KAZN: variants seen among roughly 807,000 people sequenced by gnomAD.
KAZN encodes kazrin, periplakin interacting protein.
Under a neutral mutation model 87.4 loss-of-function variants are expected in KAZN, and 40 were observed. That is an observed-to-expected ratio of 0.46 (90% CI 0.36 to 0.60). The LOEUF (loss-of-function observed/expected upper bound fraction) is 0.60. KAZN is among the 20% of genes least tolerant of loss of function. The pLI is 0.00. For synonymous variants in KAZN, 466 were observed against 458.3 expected (o/e 1.02, Z -0.22); for missense variants, 898 against 1,073.9 (o/e 0.84, Z 2.29).
chr1:14,010,052 T>C (rs923492539), intron 1 of KAZN, among the ~76,000 whole-genome samples: 7 of 152,198 alleles, frequency 4.6e-5, no homozygotes, highest in Admixed American at 2.0e-4. Flanking sequence ...ATCAACAATT[T>C]TGTTGTTGCC....
intron 1 of KAZN, among the ~76,000 whole-genome samples, chr1:14,656,688 G>C (rs1433465580): frequency 6.6e-6 from 1 of 152,218 alleles, no homozygotes; most frequent in Non-Finnish European, 1.5e-5. Context: ...GGAGAAGGAG[G>C]AAGAGAGCCA....
chr1:14,140,466 C>T (rs996341098), intron 1 of KAZN, among the ~76,000 whole-genome samples: 7 of 152,052 alleles, frequency 4.6e-5, no homozygotes, highest in African/African-American at 1.2e-4. Context: ...CCCCAGAAAA[C>T]GTTTGCATGA....
chr1:14,427,645 G>A (rs1025938811), intron 2 of KAZN, among the ~76,000 whole-genome samples: 2 of 151,724 alleles, frequency 1.3e-5, no homozygotes, highest in Non-Finnish European at 2.9e-5. Flanking sequence ...ACACATGTTA[G>A]TAAAAATACC....
intron 1 of KAZN, among the ~76,000 whole-genome samples, chr1:14,684,549 G>A (rs1255103913): frequency 6.6e-6 from 1 of 152,198 alleles, no homozygotes; most frequent in Non-Finnish European, 1.5e-5. Context: ...TGTGGACTGA[G>A]TCTTATGGGG....
At chr1:14,336,940 AT>A (rs1219579449) in intron 2 of KAZN, among the ~76,000 whole-genome samples, 1 of 152,082 alleles carries the variant, frequency 6.6e-6, no homozygotes, top group East Asian at 1.9e-4. Flanking sequence ...AAAGTTTTTA[AT>A]TTTTATGAAG....
At chr1:13,917,555 G>T (rs1050976515) in intron 1 of KAZN, among the ~76,000 whole-genome samples, 1 of 152,100 alleles carries the variant, frequency 6.6e-6, no homozygotes, top group East Asian at 1.9e-4. Context: ...CAGCATTTTG[G>T]GAGGCGGAGT....
chr1:14,417,414 T>C (rs1271980195), intron 2 of KAZN, among the ~76,000 whole-genome samples: 1 of 152,180 alleles, frequency 6.6e-6, no homozygotes, highest in Non-Finnish European at 1.5e-5. Flanking sequence ...ATACTTAATT[T>C]GACTTCACCT....
At chr1:14,921,153 AACACACACACACAC>A (rs55766387) in intron 1 of KAZN, among the ~76,000 whole-genome samples, 5 of 144,422 alleles carry the variant, frequency 3.5e-5, no homozygotes, top group South Asian at 4.6e-4. Flanking sequence ...CTGAGCATGC[AACACACACACACAC>A]ACACACACAC....
intron 2 of KAZN, among the ~76,000 whole-genome samples, chr1:14,556,975 T>C (rs1295197588): frequency 6.6e-6 from 1 of 152,186 alleles, no homozygotes; most frequent in African/African-American, 2.4e-5. Flanking sequence ...AAGAATTCAT[T>C]CTGTGCTCAA....
rs75387066 is a variant in KAZN at position 15,077,125 on chromosome 1, A to C, written c.1222+11372A>C. Among the ~76,000 whole-genome samples the C allele has an allele frequency of 1.1e-4, 17 of 152,290 alleles. No homozygotes were observed. In the East Asian group the frequency reaches 3.3e-3, roughly 30 times the overall value. On this transcript the variant is annotated intron_variant, in intron 8 of 14. Coordinates refer to ENST00000376030, the MANE Select transcript of KAZN (RefSeq NM_201628.3). The surrounding 1 kb of genome is among the most constrained non-coding windows in gnomAD (Gnocchi z 4.8). ...ATCTTCTAGAGAAGCCAAATATCTC[A>C]CATAATACACCCCAAGTCTTTCATA...
intron 1 of KAZN, among the ~76,000 whole-genome samples, chr1:14,078,628 G>A (rs531532683): frequency 5.3e-5 from 8 of 152,290 alleles, no homozygotes; most frequent in Middle Eastern, 3.4e-3. Flanking sequence ...TTCATAGACG[G>A]CGCCTTCTCA....
intron 1 of KAZN, among the ~76,000 whole-genome samples, chr1:14,033,257 G>T (rs1305635073): frequency 6.6e-6 from 1 of 152,146 alleles, no homozygotes; most frequent in African/African-American, 2.4e-5. Context: ...ACCAGGGTGG[G>T]CAAGGATAGC....
intron 1 of KAZN, among the ~76,000 whole-genome samples, chr1:14,134,443 G>C (rs1464993526): frequency 6.6e-6 from 1 of 152,174 alleles, no homozygotes; most frequent in Admixed American, 6.5e-5. Flanking sequence ...CTATGAGCCA[G>C]GTACTACTAC....
At chr1:14,052,100 A>G (rs1642364659) in intron 1 of KAZN, among the ~76,000 whole-genome samples, 1 of 152,066 alleles carries the variant, frequency 6.6e-6, no homozygotes, top group Admixed American at 6.5e-5. Flanking sequence ...TTGATTCAGG[A>G]CCCAAATCTC....
chr1:14,590,290 A>G (rs922953388), intron 2 of KAZN, among the ~76,000 whole-genome samples: 24 of 152,162 alleles, frequency 1.6e-4, no homozygotes, highest in African/African-American at 5.6e-4. Flanking sequence ...GCCTGGAATA[A>G]CAAATGCACC....
At chr1:14,838,469 C>A (rs553238948) in intron 1 of KAZN, among the ~76,000 whole-genome samples, 35 of 152,186 alleles carry the variant, frequency 2.3e-4, no homozygotes, top group African/African-American at 4.6e-4. Context: ...AAGAGCCCCC[C>A]ACCTGGTCAG....
At chr1:14,990,863 C>T (rs1443150092) in intron 2 of KAZN, among the ~76,000 whole-genome samples, 1 of 150,710 alleles carries the variant, frequency 6.6e-6, no homozygotes, top group African/African-American at 2.4e-5. Flanking sequence ...TGAAGTCGTA[C>T]TGGAATAGGG....
chr1:14,401,529 G>A lies in KAZN; in HGVS notation c.250-197454G>A, dbSNP rs538871858. Among the ~76,000 whole-genome samples, 42 of 152,082 alleles carry A rather than the reference G, an allele frequency of 2.8e-4. 1 individual carries two copies. Among genetic ancestry groups the A allele is most frequent in the African/African-American group, 9.6e-4 (40 of 41,522 alleles). ...TAGTATGAAGTTTTAGAATCTATCA[G>A]TATAGGTCTGGCACAGTGGCCCATG... is the stretch of plus-strand genomic sequence containing the variant. On this transcript the variant is annotated intron_variant, in intron 2 of 16. Coordinates refer to the KAZN transcript ENST00000636203.
At chr1:14,507,896 G>A (rs1334286446) in intron 2 of KAZN, among the ~76,000 whole-genome samples, 1 of 152,024 alleles carries the variant, frequency 6.6e-6, no homozygotes, top group East Asian at 1.9e-4. Context: ...GAACCCGGGA[G>A]GTGGAGCTTG....
Sources: allele counts gnomAD v4.1 joint callset (sites outside exome capture counted in the v4.1 genomes callset), GRCh38; gene constraint gnomAD v4.1.1; non-coding constraint Gnocchi (gnomAD v3.1); transcripts MANE v1.5; gene names NCBI Gene and HGNC (gene_info 2026-07-23, HGNC 2026-07-21).